The following CSMD1 variants were observed in gnomAD, a reference collection of about 807,000 sequenced individuals.
CSMD1 encodes the protein CUB and sushi domain-containing protein 1.
Under a neutral mutation model 417.5 loss-of-function variants are expected in CSMD1, and 213 were observed. That is an observed-to-expected ratio of 0.51 (90% CI 0.46 to 0.57). The LOEUF is 0.57. CSMD1 is among the 20% of genes least tolerant of loss of function. CSMD1 has a pLI of 0.00. For synonymous variants in CSMD1, 2,862 were observed against 1,736.8 expected (o/e 1.65, Z -16.11); for missense variants, 6,923 against 4,529.7 (o/e 1.53, Z -15.17).
At chr8:4,440,121 A>G (rs1029736865) in intron 2 of CSMD1, among the ~76,000 whole-genome samples, 4 of 152,194 alleles carry the variant, frequency 2.6e-5, no homozygotes, top group Non-Finnish European at 4.4e-5. Flanking sequence ...CATTCTCTTT[A>G]AAGTGCAGCT....
intron 4 of CSMD1, among the ~76,000 whole-genome samples, chr8:4,026,261 T>G (rs1050334039): frequency 4.6e-5 from 7 of 152,162 alleles, no homozygotes; most frequent in African/African-American, 1.7e-4. Flanking sequence ...TAAAATAACA[T>G]GTAATGGAAC....
intron 5 of CSMD1, among the ~76,000 whole-genome samples, chr8:3,776,807 G>GATACATATAT (rs1554432749): frequency 5.7e-5 from 8 of 139,990 alleles, no homozygotes; most frequent in Admixed American, 5.5e-4. Context: ...ATATAGACGA[G>GATACATATAT]ATATATATAT....
At chr8:3,896,220 G>A (rs1167369500) in intron 5 of CSMD1, among the ~76,000 whole-genome samples, 4 of 152,116 alleles carry the variant, frequency 2.6e-5, no homozygotes, top group Non-Finnish European at 5.9e-5. Context: ...CAATTCTATA[G>A]CCTGGTTGCT....
chr8:4,288,585 C>A (rs535062484), intron 3 of CSMD1, among the ~76,000 whole-genome samples: 4 of 152,190 alleles, frequency 2.6e-5, no homozygotes, highest in East Asian at 1.9e-4. Context: ...TTCAGCTCTA[C>A]GCATGCAGCT....
At chr8:4,922,041 G>C (rs1366151260) in intron 1 of CSMD1, among the ~76,000 whole-genome samples, 1 of 152,132 alleles carries the variant, frequency 6.6e-6, no homozygotes, top group African/African-American at 2.4e-5. Flanking sequence ...CCCCCAGCAT[G>C]GATAAACTGC....
At chr8:3,775,849 T>C (rs752377017) in intron 5 of CSMD1, among the ~76,000 whole-genome samples, 2 of 152,224 alleles carry the variant, frequency 1.3e-5, no homozygotes, top group Non-Finnish European at 2.9e-5. Context: ...GGGTTGTTAC[T>C]GACCTAGGAT....
At chr8:3,654,783 C>A (rs567635676) in intron 7 of CSMD1, among the ~76,000 whole-genome samples, 3 of 152,156 alleles carry the variant, frequency 2.0e-5, no homozygotes, top group African/African-American at 4.8e-5. Context: ...GGTGCTCCCA[C>A]TGGGTCTACC....
chr8:3,976,994 TG>T (rs1813483484), intron 5 of CSMD1, among the ~76,000 whole-genome samples: 1 of 152,124 alleles, frequency 6.6e-6, no homozygotes, highest in South Asian at 2.1e-4. Flanking sequence ...TAGTGTGCAG[TG>T]GGTGGGGGCG....
At chr8:4,248,120 T>A (rs1802822516) in intron 3 of CSMD1, among the ~76,000 whole-genome samples, 1 of 152,178 alleles carries the variant, frequency 6.6e-6, no homozygotes, top group Non-Finnish European at 1.5e-5. Context: ...AGTTTATTTT[T>A]TTTAAACAAA....
chr8:3,209,925 G>A (rs1344544598), intron 30 of CSMD1, among the ~76,000 whole-genome samples: 1 of 152,074 alleles, frequency 6.6e-6, no homozygotes, highest in Non-Finnish European at 1.5e-5. Context: ...GCAAACAGAA[G>A]TCATTGTGAC....
intron 5 of CSMD1, among the ~76,000 whole-genome samples, chr8:3,837,026 G>C (rs1455915990): frequency 6.6e-6 from 1 of 151,630 alleles, no homozygotes; most frequent in Non-Finnish European, 1.5e-5. Context: ...TCCCTTCTTG[G>C]TGGCCAGGCT....
At chr8:4,214,466 G>A (rs999193583) in intron 3 of CSMD1, among the ~76,000 whole-genome samples, 1 of 152,010 alleles carries the variant, frequency 6.6e-6, no homozygotes, top group African/African-American at 2.4e-5. Flanking sequence ...CTTGGCTAAT[G>A]TTTGTATTTT....
At chr8:4,978,280 G>A (rs1810680715) in intron 1 of CSMD1, among the ~76,000 whole-genome samples, 1 of 152,120 alleles carries the variant, frequency 6.6e-6, no homozygotes, top group African/African-American at 2.4e-5. Context: ...TGGAGGTATA[G>A]CAGCTTTTTC....
At chr8:4,461,184 C>T (rs1322934708) in intron 2 of CSMD1, among the ~76,000 whole-genome samples, 2 of 151,560 alleles carry the variant, frequency 1.3e-5, no homozygotes, top group Non-Finnish European at 2.9e-5. Context: ...TGACAAAATT[C>T]AACATTCTTT....
intron 3 of CSMD1, among the ~76,000 whole-genome samples, chr8:4,227,189 G>C (rs954528654): frequency 6.6e-6 from 1 of 152,096 alleles, no homozygotes; most frequent in African/African-American, 2.4e-5. Context: ...GGTTGCTGAG[G>C]GACGTTTAAG....
chr8:3,161,621 T>G (rs1819897902), intron 38 of CSMD1, among the ~76,000 whole-genome samples: 1 of 101,012 alleles, frequency 9.9e-6, no homozygotes, highest in Non-Finnish European at 1.8e-5. Flanking sequence ...AGACTCCCTC[T>G]CAGAAAAAAA....
intron 3 of CSMD1, among the ~76,000 whole-genome samples, chr8:4,161,868 C>A (rs188420303): frequency 1.3e-5 from 2 of 152,018 alleles, no homozygotes; most frequent in African/African-American, 4.8e-5. Context: ...GAATTTAATT[C>A]TTTTAGATTT....
At chr8:4,250,260 A>G (rs998033033) in intron 3 of CSMD1, among the ~76,000 whole-genome samples, 2 of 152,202 alleles carry the variant, frequency 1.3e-5, no homozygotes, top group African/African-American at 4.8e-5. Context: ...CAAGAACAAA[A>G]AGCCTCTCTA....
intron 12 of CSMD1, among the ~76,000 whole-genome samples, chr8:3,421,432 A>C (rs914814322): frequency 3.3e-5 from 5 of 152,250 alleles, no homozygotes; most frequent in Non-Finnish European, 7.3e-5. Flanking sequence ...TGTGATTAAG[A>C]AAAGAGAAAC....
Sources: gnomAD v4.1 joint callset for allele counts (sites outside exome capture counted in the v4.1 genomes callset) on GRCh38, gnomAD v4.1.1 for gene constraint, MANE v1.5 for transcripts, NCBI Gene and HGNC (gene_info 2026-07-23, HGNC 2026-07-21) for gene names.